Variants in LY6E observed in about 807,000 individuals in gnomAD.
LY6E encodes lymphocyte antigen 6 family member E.
A neutral mutation model predicts 7.7 loss-of-function variants in LY6E; 4 were observed. That is an observed-to-expected ratio of 0.52 (90% CI 0.25 to 1.18). The LOEUF (loss-of-function observed/expected upper bound fraction) is 1.18. LY6E is among the 50% of genes most tolerant of loss of function. The pLI is 0.14. For synonymous variants in LY6E, 81 were observed against 80.1 expected, an observed-to-expected ratio of 1.01 and a Z score of -0.06; for missense variants, 156 against 168.0, an observed-to-expected ratio of 0.93 and a Z score of 0.40.
At chr8:143,019,095 T>A (rs1343548562) in intron 1 of LY6E, 1 of 152,450 alleles carries the variant, frequency 6.6e-6, no homozygotes, top group Non-Finnish European at 1.5e-5. Context: ...CCCCGCTTCT[T>A]GTTTTGGCAC....
intron 1 of LY6E, chr8:143,019,205 T>C (rs1477938878): frequency 2.6e-5 from 4 of 152,286 alleles, no homozygotes; most frequent in Non-Finnish European, 5.9e-5. Context: ...CGCCCCTTGC[T>C]GGCTGGGCAG....
rs1819202492 is a variant in LY6E, at chr8:143,020,873, GTC to G, written c.-57-5_-57-4del. ...CACCACCCGGCCCCCTAACCAGTGT[GTC>G]TCTCCAGAGCAGGACAGGCTGCTTT... On this transcript the variant is annotated splice_polypyrimidine_tract_variant and splice_region_variant and intron_variant, in intron 1 of 3. Coordinates refer to ENST00000292494, the MANE Select transcript of LY6E (RefSeq NM_002346.3). The G allele has an allele frequency of 6.7e-7, 1 of 1,497,410 alleles. No individual in the cohort carries two copies. Among genetic ancestry groups the G allele is most frequent in the African/African-American group, 1.4e-5 (1 of 72,788 alleles). 92.8% of individuals were successfully genotyped at this position (1,497,410 alleles called of 1,614,324 possible). A position where few individuals can be genotyped will look rare whatever the true frequency, so the allele number is the denominator to read the frequency against.
chr8:143,021,950 G>A lies in LY6E; in HGVS notation c.*161G>A. ...TGCACCTCCACCTGCCCCAGCCCCT[G>A]CCTCTGCCCCAAGTGGGGCCAGCTG... On this transcript the variant is annotated 3_prime_UTR_variant, in exon 4 of 4. Transcript: ENST00000292494. 1 of 657,492 alleles carries A rather than the reference G, an allele frequency of 1.5e-6. No individual in the cohort carries two copies. Among genetic ancestry groups the A allele is most frequent in the South Asian group, 1.9e-5 (1 of 51,472 alleles). The allele number at this position is 657,492 out of a possible 1,614,324, so 40.7% of individuals were successfully genotyped here.
intron 2 of LY6E, 131 bp from the exon 3 acceptor site, chr8:143,021,183 G>A: frequency 7.5e-7 from 1 of 1,341,106 alleles, no homozygotes; most frequent in South Asian, 1.3e-5. Context: ...CCAGGGTGGG[G>A]TGTCACTGTC....
At chr8:143,020,858 C>T (rs1414648160) in intron 1 of LY6E, 25 bp from the exon 2 acceptor site, 1 of 1,351,136 alleles carries the variant, frequency 7.4e-7, no homozygotes, top group South Asian at 1.2e-5. Context: ...CACCACCCGG[C>T]CCCCTAACCA....
At position 143,021,547 on chromosome 8, in the gene LY6E, A is replaced by G; in HGVS notation, c.173-19A>G. 6.2e-7 allele frequency: 1 copy of G among 1,613,508 alleles called. No homozygotes were observed. The highest frequency in any genetic ancestry group is 8.5e-7 in the Non-Finnish European group (1 of 1,179,760). On this transcript the variant is annotated intron_variant, in intron 3 of 3. Transcript: ENST00000292494. The stretch of plus-strand genomic sequence containing the variant: ...TGCAGCCGTCTGTCTCTCCCCTGAC[A>G]GCCTCATTTCCCATGCAGGGAATCT...
At position 143,021,804 on chromosome 8, in the gene LY6E, T is replaced by A; in HGVS notation, c.*15T>A. On this transcript the variant is annotated 3_prime_UTR_variant, in exon 4 of 4. Coordinates refer to ENST00000292494, the MANE Select transcript of LY6E (RefSeq NM_002346.3). ...TTGGCCCCTGACCGCCCAGACCCTG[T>A]CCCCCGATCCCCCAGCTCAGGAAGG... 1.9e-6 allele frequency: 3 copies of A among 1,578,020 alleles called. No individual in the cohort carries two copies. The highest frequency in any genetic ancestry group is 2.6e-6 in the Non-Finnish European group (3 of 1,164,852).
chr8:143,019,441 G>T (rs1462884090), intron 1 of LY6E, among the ~76,000 whole-genome samples: 1 of 152,236 alleles, frequency 6.6e-6, no homozygotes, highest in Non-Finnish European at 1.5e-5. Flanking sequence ...GGCGGCACCA[G>T]CTGGACCTGT....
rs1819235384 is a variant in LY6E, at chr8:143,021,868, C to T, written c.*79C>T. On this transcript the variant is annotated 3_prime_UTR_variant, in exon 4 of 4. Coordinates refer to ENST00000292494, the MANE Select transcript of LY6E (RefSeq NM_002346.3). The stretch of plus-strand genomic sequence containing the variant: ...TTCTGGATCCCACAGTGTATGGGAG[C>T]CCCTGACTCCTCACGTGCCTGATCT... The T allele has an allele frequency of 1.5e-6, 2 of 1,300,682 alleles. No homozygotes were observed. Among genetic ancestry groups the T allele is most frequent in the Non-Finnish European group, 2.1e-6 (2 of 952,540 alleles). 80.6% of individuals were successfully genotyped at this position (1,300,682 alleles called of 1,614,324 possible).
At chr8:143,021,261 C>A in intron 2 of LY6E, 53 bp from the exon 3 acceptor site, 2 of 1,594,514 alleles carry the variant, frequency 1.3e-6, no homozygotes. Context: ...TGGGGTCAGG[C>A]CTGGGAGGGA....
Position 143,021,988 on chromosome 8 carries a change from G to A in LY6E, c.*199G>A. The A allele has an allele frequency of 1.7e-6, 1 of 598,716 alleles. No individual in the cohort carries two copies. The highest frequency in any genetic ancestry group is 3.0e-6 in the Non-Finnish European group (1 of 338,964). The allele number at this position is 598,716 out of a possible 1,614,324, so 37.1% of individuals were successfully genotyped here. ...GTGGGGCCAGCTGCCCTCACTTCTGGGGTGGATGATGTGACCTTCCTTGGG... is the reference window on the plus strand; with the variant it reads ...GTGGGGCCAGCTGCCCTCACTTCTGAGGTGGATGATGTGACCTTCCTTGGG... On this transcript the variant is annotated 3_prime_UTR_variant, in exon 4 of 4. Coordinates refer to ENST00000292494, the MANE Select transcript of LY6E (RefSeq NM_002346.3).
chr8:143,021,983 T>G lies in LY6E; in HGVS notation c.*194T>G. 1 of 600,342 alleles carries G rather than the reference T, an allele frequency of 1.7e-6. No homozygotes were observed. The highest frequency in any genetic ancestry group is 2.0e-5 in the South Asian group (1 of 49,044). The allele number at this position is 600,342 out of a possible 1,614,324, so 37.2% of individuals were successfully genotyped here. A position where few individuals can be genotyped will look rare whatever the true frequency, so the allele number is the denominator to read the frequency against. ...CCCAAGTGGGGCCAGCTGCCCTCAC[T>G]TCTGGGGTGGATGATGTGACCTTCC... On this transcript the variant is annotated 3_prime_UTR_variant, in exon 4 of 4. Coordinates refer to ENST00000292494, the MANE Select transcript of LY6E (RefSeq NM_002346.3).
rs1350126177 is a variant in LY6E at position 143,021,775 on chromosome 8, C to T, written c.382C>T (p.Arg128Trp). 21 of 1,604,636 alleles carry T rather than the reference C, an allele frequency of 1.3e-5. No individual in the cohort carries two copies. Among genetic ancestry groups the T allele is most frequent in the Non-Finnish European group, 1.7e-5 (20 of 1,177,300 alleles). The stretch of plus-strand genomic sequence containing the variant: ...GCTGAGCCTGCTGCCGGCCCTGCTG[C>T]GGTTTGGCCCCTGACCGCCCAGACC... ...LLLSLLPALL[R>W]FGP The change falls in exon 4 of 4, where the codon CGG becomes TGG. Residue 128 changes from arginine to tryptophan, a missense_variant. Transcript: ENST00000292494.
At position 143,021,931 on chromosome 8, in the gene LY6E, T is replaced by G. The variant is rs1048185054; in HGVS notation, c.*142T>G. 7.9e-5 allele frequency: 57 copies of G among 720,862 alleles called. No individual in the cohort carries two copies. Among genetic ancestry groups the G allele is most frequent in the Non-Finnish European group, 1.2e-4 (53 of 447,314 alleles). The allele number at this position is 720,862 out of a possible 1,614,324, so 44.7% of individuals were successfully genotyped here. A position where few individuals can be genotyped will look rare whatever the true frequency, so the allele number is the denominator to read the frequency against. On this transcript the variant is annotated 3_prime_UTR_variant, in exon 4 of 4. Transcript: ENST00000292494. Reference sequence around the variant, plus strand: ...CCAGGTCAGGCCCACCCCCTGCACCTCCACCTGCCCCAGCCCCTGCCTCTG... The same window carrying G: ...CCAGGTCAGGCCCACCCCCTGCACCGCCACCTGCCCCAGCCCCTGCCTCTG...
chr8:143,020,888 G>A lies in LY6E; in HGVS notation c.-52G>A. 1 of 1,569,126 alleles carries A rather than the reference G, an allele frequency of 6.4e-7. No homozygotes were observed. The highest frequency in any genetic ancestry group is 8.8e-7 in the Non-Finnish European group (1 of 1,141,482). ...TAACCAGTGTGTCTCTCCAGAGCAG[G>A]ACAGGCTGCTTTGGTTTGTGACCTC... On this transcript the variant is annotated 5_prime_UTR_variant, in exon 2 of 4. Transcript: ENST00000292494.
Position 143,020,933 on chromosome 8 carries a change from C to T in LY6E, c.-7C>T. On this transcript the variant is annotated 5_prime_UTR_variant, in exon 2 of 4. Coordinates refer to ENST00000292494, the MANE Select transcript of LY6E (RefSeq NM_002346.3). ...GACCTCCAGGCAGGACGGCCATCCT[C>T]TCCAGAATGAAGATCTTCTTGCCAG... is the stretch of plus-strand genomic sequence containing the variant. The T allele has an allele frequency of 6.2e-7, 1 of 1,613,898 alleles. No homozygotes were observed. Among genetic ancestry groups the T allele is most frequent in the South Asian group, 1.1e-5 (1 of 91,070 alleles).
At chr8:143,019,509 G>A (rs1819163041) in intron 1 of LY6E, among the ~76,000 whole-genome samples, 1 of 152,162 alleles carries the variant, frequency 6.6e-6, no homozygotes, top group Non-Finnish European at 1.5e-5. Context: ...CCCCACACCA[G>A]AACCTCACTT....
At chr8:143,021,542 CT>C (rs1329395660) in intron 3 of LY6E, 23 bp from the exon 4 acceptor site, 2 of 1,613,384 alleles carry the variant, frequency 1.2e-6, no homozygotes, top group East Asian at 2.2e-5. Context: ...TGTCTCTCCC[CT>C]GACAGCCTCA....
At chr8:143,019,523 G>T (rs1040795653) in intron 1 of LY6E, among the ~76,000 whole-genome samples, 1 of 152,188 alleles carries the variant, frequency 6.6e-6, no homozygotes, top group Non-Finnish European at 1.5e-5. Context: ...CTCACTTTAG[G>T]GGGGTGGGGG....
Sources: gnomAD v4.1 joint callset for allele counts (sites outside exome capture counted in the v4.1 genomes callset) on GRCh38, gnomAD v4.1.1 for gene constraint, MANE v1.5 for transcripts, NCBI Gene and HGNC (gene_info 2026-07-23, HGNC 2026-07-21) for gene names.